Variants in PTPRN2 observed in about 807,000 individuals in gnomAD.
The protein encoded by PTPRN2 is receptor-type tyrosine-protein phosphatase N2.
A neutral mutation model predicts 118.8 loss-of-function variants in PTPRN2; 74 were observed. The ratio of observed to expected loss-of-function variants is 0.62; its 90% CI spans 0.52 to 0.76. PTPRN2 has a LOEUF of 0.76. PTPRN2 is among the 30% of genes least tolerant of loss of function. The pLI, the probability that PTPRN2 is intolerant of heterozygous loss-of-function variation, is 0.00. For synonymous variants in PTPRN2, 641 were observed against 608.0 expected, an observed-to-expected ratio of 1.05 and a Z score of -0.80; for missense variants, 1,481 against 1,394.4, an observed-to-expected ratio of 1.06 and a Z score of -0.99.
At chr7:157,988,865 C>T (rs1386886928) in intron 11 of PTPRN2, among the ~76,000 whole-genome samples, 2 of 152,214 alleles carry the variant, frequency 1.3e-5, no homozygotes, top group African/African-American at 4.8e-5. Flanking sequence ...GGTGCATCCC[C>T]TTCTCACATC....
At chr7:158,535,045 T>C (rs1825566478) in intron 1 of PTPRN2, among the ~76,000 whole-genome samples, 1 of 152,212 alleles carries the variant, frequency 6.6e-6, no homozygotes, top group African/African-American at 2.4e-5. Flanking sequence ...CCAAAGCCTC[T>C]GTTCCTCCTG....
At chr7:158,209,150 A>G (rs1393922430) in intron 3 of PTPRN2, among the ~76,000 whole-genome samples, 1 of 152,102 alleles carries the variant, frequency 6.6e-6, no homozygotes, top group Non-Finnish European at 1.5e-5. Context: ...GAAAGAGAAG[A>G]CCACAAAACA....
intron 11 of PTPRN2, among the ~76,000 whole-genome samples, chr7:157,910,920 A>G (rs1247571874): frequency 6.6e-6 from 1 of 152,268 alleles, no homozygotes; most frequent in Non-Finnish European, 1.5e-5. Flanking sequence ...GAAGGAATTA[A>G]AATAACCCTG....
chr7:157,707,589 T>A (rs1276983875), intron 12 of PTPRN2, among the ~76,000 whole-genome samples: 2 of 84,654 alleles, frequency 2.4e-5, no homozygotes, highest in African/African-American at 9.2e-5. Flanking sequence ...TTTTTTTTTC[T>A]TTTTTTTTGA....
intron 12 of PTPRN2, among the ~76,000 whole-genome samples, chr7:157,882,412 C>T (rs1379509686): frequency 6.6e-6 from 1 of 151,188 alleles, no homozygotes; most frequent in African/African-American, 2.4e-5. Flanking sequence ...CCTGAAATGA[C>T]TGTCAGAGAA....
At chr7:157,989,535 G>A (rs1248399031) in intron 11 of PTPRN2, among the ~76,000 whole-genome samples, 1 of 152,142 alleles carries the variant, frequency 6.6e-6, no homozygotes, top group Non-Finnish European at 1.5e-5. Flanking sequence ...ATCTGTGGCT[G>A]GGTCGGAGGG....
At chr7:158,342,544 C>G (rs1286627650) in intron 2 of PTPRN2, among the ~76,000 whole-genome samples, 3 of 144,586 alleles carry the variant, frequency 2.1e-5, no homozygotes, top group East Asian at 2.1e-4. Flanking sequence ...GTCACTCACA[C>G]CCACACTCTC....
At chr7:158,225,644 T>C (rs1432251289) in intron 3 of PTPRN2, among the ~76,000 whole-genome samples, 1 of 152,214 alleles carries the variant, frequency 6.6e-6, no homozygotes, top group Non-Finnish European at 1.5e-5. Context: ...GCAATCATTA[T>C]ATAATAAAGT....
chr7:157,738,564 G>T (rs1800439873), intron 12 of PTPRN2, among the ~76,000 whole-genome samples: 1 of 152,246 alleles, frequency 6.6e-6, no homozygotes, highest in African/African-American at 2.4e-5. Flanking sequence ...TCACTCACAT[G>T]CAGACTGAGC....
At chr7:158,097,700 G>GT (rs1314845698) in intron 10 of PTPRN2, among the ~76,000 whole-genome samples, 1 of 152,220 alleles carries the variant, frequency 6.6e-6, no homozygotes, top group African/African-American at 2.4e-5. Flanking sequence ...CAATCACGTC[G>GT]TAAAAACCCG....
chr7:157,992,232 T>G (rs755008903), intron 11 of PTPRN2, among the ~76,000 whole-genome samples: 6 of 152,246 alleles, frequency 3.9e-5, no homozygotes, highest in Non-Finnish European at 8.8e-5. Flanking sequence ...AAAGGTGAGT[T>G]CCATGAAAAC....
At chr7:158,361,746 C>T (rs1316987446) in intron 2 of PTPRN2, among the ~76,000 whole-genome samples, 3 of 152,114 alleles carry the variant, frequency 2.0e-5, no homozygotes, top group African/African-American at 7.2e-5. Flanking sequence ...ACACAGATAC[C>T]AACAAGGGCC....
At chr7:158,336,650 CG>C in intron 2 of PTPRN2, among the ~76,000 whole-genome samples, 1 of 86,126 alleles carries the variant, frequency 1.2e-5, no homozygotes, top group Admixed American at 1.2e-4. Flanking sequence ...CACACCCACA[CG>C]TCACTCACAC....
intron 2 of PTPRN2, among the ~76,000 whole-genome samples, chr7:158,466,821 A>T (rs557164575): frequency 6.6e-6 from 1 of 152,278 alleles, no homozygotes; most frequent in African/African-American, 2.4e-5. Context: ...CGGGTGGATC[A>T]CTTGAGGTCA....
chr7:158,002,461 C>T (rs930600587), intron 11 of PTPRN2, among the ~76,000 whole-genome samples: 7 of 152,188 alleles, frequency 4.6e-5, no homozygotes, highest in Non-Finnish European at 7.3e-5. Flanking sequence ...TTGCCCGAAT[C>T]CCCAGTACAG....
At chr7:157,744,993 C>T (rs1800838181) in intron 12 of PTPRN2, among the ~76,000 whole-genome samples, 1 of 152,202 alleles carries the variant, frequency 6.6e-6, no homozygotes, top group African/African-American at 2.4e-5. Flanking sequence ...ATGTGGGTCC[C>T]CTTCCAGGCG....
At chr7:158,029,125 A>ACCACTCGCCGTGGGCACGGGGTCCGTAT in intron 11 of PTPRN2, 1 of 149,242 alleles carries the variant, frequency 6.7e-6, no homozygotes, top group Non-Finnish European at 1.5e-5. Context: ...CAGCCTCCCC[A>ACCACTCGCCGTGGGCACGGGGTCCGTAT]CCACTCGCCG....
At chr7:158,327,496 C>A (rs1396158875) in intron 2 of PTPRN2, among the ~76,000 whole-genome samples, 1 of 152,076 alleles carries the variant, frequency 6.6e-6, no homozygotes, top group Non-Finnish European at 1.5e-5. Flanking sequence ...CTCACATGCA[C>A]AAGTTCTCAC....
chr7:158,325,626 G>A (rs979585796), intron 2 of PTPRN2, among the ~76,000 whole-genome samples: 10 of 152,206 alleles, frequency 6.6e-5, no homozygotes, highest in African/African-American at 2.4e-4. Context: ...GAGCAAGAAG[G>A]GATGGGCAGA....
Sources: allele counts gnomAD v4.1 joint callset (sites outside exome capture counted in the v4.1 genomes callset), GRCh38; gene constraint gnomAD v4.1.1; transcripts MANE v1.5; gene names NCBI Gene and HGNC (gene_info 2026-07-23, HGNC 2026-07-21).